Variants in EYS observed in about 807,000 individuals in gnomAD.
EYS encodes the protein protein eyes shut homolog.
Under a neutral mutation model 282.1 loss-of-function variants are expected in EYS, and 250 were observed. That is an observed-to-expected ratio of 0.89 (90% CI 0.80 to 0.98). The LOEUF (loss-of-function observed/expected upper bound fraction) is 0.98. EYS is among the 50% of genes least tolerant of loss of function. The probability of loss-of-function intolerance (pLI) is 0.00; values close to 1 mark genes in which losing one functional copy is unlikely to be tolerated. For missense variants in EYS, 4,016 were observed against 3,709.0 expected (o/e 1.08, Z -2.15); for synonymous variants, 1,355 against 1,282.9 (o/e 1.06, Z -1.20).
At chr6:64,453,245 C>T (rs1330223690) in intron 26 of EYS, among the ~76,000 whole-genome samples, 1 of 152,112 alleles carries the variant, frequency 6.6e-6, no homozygotes, top group African/African-American at 2.4e-5. Context: ...AGCCAAAATA[C>T]ACATGAAAAA....
intron 24 of EYS, among the ~76,000 whole-genome samples, chr6:64,594,585 G>A (rs924787227): frequency 6.0e-5 from 9 of 150,684 alleles, no homozygotes; most frequent in East Asian, 2.0e-4. Context: ...GCAAACTATC[G>A]CAAGGACAAA....
At chr6:65,615,727 G>T (rs968253777) in intron 2 of EYS, among the ~76,000 whole-genome samples, 1 of 151,960 alleles carries the variant, frequency 6.6e-6, no homozygotes, top group Non-Finnish European at 1.5e-5. Flanking sequence ...GAGGTCAGGA[G>T]ATCAAAGTCA....
Position 65,353,494 on chromosome 6 carries a change from C to T in EYS, c.1423G>A (p.Ala475Thr), listed in dbSNP as rs1764363437. ...AATTGCCACACATATTCAAATTGAG[C>T]AGGACCTTTATCTTGGCAAATACCA... ...FHGICQDKGPAQFEYVWQLGF... is the reference protein window; with the variant it reads ...FHGICQDKGPTQFEYVWQLGF... Residue 475 changes from alanine (A) to threonine (T), a missense_variant, in exon 9 of 43, where the codon GCT (alanine) becomes ACT (threonine). Transcript: ENST00000503581. The T allele has an allele frequency of 6.2e-7, 1 of 1,612,986 alleles. No individual in the cohort carries two copies. The highest frequency in any genetic ancestry group is 8.5e-7 in the Non-Finnish European group (1 of 1,179,428).
intron 37 of EYS, among the ~76,000 whole-genome samples, chr6:63,798,736 G>A (rs548985444): frequency 2.0e-5 from 3 of 151,742 alleles, no homozygotes; most frequent in Non-Finnish European, 4.4e-5. Flanking sequence ...AAATAATCAA[G>A]CTATATTTAT....
intron 12 of EYS, among the ~76,000 whole-genome samples, chr6:65,079,952 T>A (rs1774181449): frequency 6.6e-6 from 1 of 152,132 alleles, no homozygotes; most frequent in Admixed American, 6.6e-5. Flanking sequence ...ATTTTTCTTT[T>A]GTGTGGTATA....
At chr6:65,034,899 GA>G (rs1225626550) in intron 13 of EYS, among the ~76,000 whole-genome samples, 3 of 151,526 alleles carry the variant, frequency 2.0e-5, no homozygotes, top group South Asian at 2.1e-4. Context: ...ACCTCACAAA[GA>G]AACAACAAAA....
chr6:63,726,405 A>G (rs1046357408), intron 42 of EYS, 114 bp downstream of exon 42: 4 of 914,432 alleles, frequency 4.4e-6, no homozygotes, highest in Non-Finnish European at 6.3e-6. Flanking sequence ...ACAATAGAAC[A>G]TAAAAGCATC....
At chr6:63,946,146 A>G (rs1765390840) in intron 35 of EYS, among the ~76,000 whole-genome samples, 1 of 152,226 alleles carries the variant, frequency 6.6e-6, no homozygotes, top group Non-Finnish European at 1.5e-5. Context: ...CAAGGTTTCA[A>G]GTGGCAGAGC....
intron 12 of EYS, among the ~76,000 whole-genome samples, chr6:65,213,337 A>G (rs1359958198): frequency 6.6e-6 from 1 of 152,150 alleles, no homozygotes; most frequent in Non-Finnish European, 1.5e-5. Context: ...TAAAATTTTG[A>G]GAAAAACGTT....
At chr6:65,333,999 C>G (rs13220794) in intron 11 of EYS, among the ~76,000 whole-genome samples, 6,990 of 151,352 alleles carry the variant, frequency 0.046, 213 homozygotes, top group South Asian at 0.079. Flanking sequence ...TATACACACA[C>G]GTATACATAA....
At chr6:64,865,308 A>T (rs1766394352) in intron 19 of EYS, among the ~76,000 whole-genome samples, 1 of 152,128 alleles carries the variant, frequency 6.6e-6, no homozygotes. Flanking sequence ...AATAAAAGAG[A>T]TCATATAATA....
At chr6:64,174,396 T>C (rs1213736213) in intron 31 of EYS, among the ~76,000 whole-genome samples, 1 of 152,056 alleles carries the variant, frequency 6.6e-6, no homozygotes, top group Non-Finnish European at 1.5e-5. Flanking sequence ...ACAATCGTAT[T>C]ACTTTGGGGA....
chr6:65,460,348 C>A (rs1297760292), intron 5 of EYS, among the ~76,000 whole-genome samples: 1 of 151,730 alleles, frequency 6.6e-6, no homozygotes, highest in Non-Finnish European at 1.5e-5. Flanking sequence ...TGTTAATATG[C>A]AGATAAAAAT....
intron 29 of EYS, among the ~76,000 whole-genome samples, chr6:64,381,846 A>G (rs1772757414): frequency 6.6e-6 from 1 of 152,196 alleles, no homozygotes; most frequent in African/African-American, 2.4e-5. Context: ...AAGCAAATTC[A>G]TCTAAAATAT....
At chr6:63,931,558 A>G (rs545233878) in intron 35 of EYS, among the ~76,000 whole-genome samples, 1 of 152,316 alleles carries the variant, frequency 6.6e-6, no homozygotes, top group Admixed American at 6.5e-5. Flanking sequence ...CAGGAAGTAC[A>G]TGGTTCAACC....
At chr6:63,991,886 T>C (rs1767620197) in intron 34 of EYS, among the ~76,000 whole-genome samples, 1 of 151,650 alleles carries the variant, frequency 6.6e-6, no homozygotes, top group African/African-American at 2.4e-5. Context: ...AGACTATCAG[T>C]AGATTTTTTT....
Position 63,777,942 on chromosome 6 carries a change from G to C in EYS, c.7898+64C>G, listed in dbSNP as rs1161744956. The C allele has an allele frequency of 2.2e-6, 3 of 1,376,902 alleles. No homozygotes were observed. The Admixed American group carries it at 5.9e-5, about 27-fold the overall frequency. The allele number at this position is 1,376,902 out of a possible 1,614,324, so 85.3% of individuals were successfully genotyped here. ...CCTAGTTTGTACAAGTGGAATGACA[G>C]AGTGGAGTACCAGTTAGAGTGCAAA... On this transcript the variant is annotated intron_variant, in intron 40 of 42. Transcript: ENST00000503581.
intron 12 of EYS, among the ~76,000 whole-genome samples, chr6:65,278,031 C>CCTTTTCTTTTCTTTTCTTTTCTTCT (rs1768099608): frequency 9.3e-6 from 1 of 107,486 alleles, no homozygotes; most frequent in Non-Finnish European, 1.9e-5. Flanking sequence ...CTTTTCTTTT[C>CCTTTTCTTTTCTTTTCTTTTCTTCT]CTTTTCTTTT....
intron 2 of EYS, among the ~76,000 whole-genome samples, chr6:65,532,483 A>G (rs1767810748): frequency 6.6e-6 from 1 of 152,182 alleles, no homozygotes; most frequent in Admixed American, 6.6e-5. Context: ...GATTAGATCA[A>G]AACATTATTA....
Sources: gnomAD v4.1 joint callset for allele counts (sites outside exome capture counted in the v4.1 genomes callset) on GRCh38, gnomAD v4.1.1 for gene constraint, MANE v1.5 for transcripts, NCBI Gene and HGNC (gene_info 2026-07-23, HGNC 2026-07-21) for gene names.